The following ABCA6 variants were observed in gnomAD, a reference collection of about 807,000 sequenced individuals.
The protein encoded by ABCA6 is ATP binding cassette subfamily A member 6.
Under a neutral mutation model 191.2 loss-of-function variants are expected in ABCA6, and 164 were observed. That is an observed-to-expected ratio of 0.86 (90% CI 0.76 to 0.98). The LOEUF is 0.98. ABCA6 is among the 50% of genes least tolerant of loss of function. The pLI is 0.00. For missense variants in ABCA6, 1,958 were observed against 1,894.1 expected (o/e 1.03, Z -0.63); for synonymous variants, 636 against 647.7 (o/e 0.98, Z 0.27).
At chr17:69,110,685 C>G in intron 17 of ABCA6, 116 bp downstream of exon 17, 1 of 1,235,990 alleles carries the variant, frequency 8.1e-7, no homozygotes, top group Non-Finnish European at 1.1e-6. Flanking sequence ...AGTTCTGCTT[C>G]TCAGGTGGCC....
chr17:69,127,321 T>C (rs1159938045), intron 8 of ABCA6, among the ~76,000 whole-genome samples: 1 of 152,048 alleles, frequency 6.6e-6, no homozygotes, highest in Non-Finnish European at 1.5e-5. Context: ...ATTATGTATC[T>C]CTGTTCATCA....
intron 35 of ABCA6, 26 bp from the exon 36 acceptor site, chr17:69,083,039 G>C: frequency 6.2e-7 from 1 of 1,605,422 alleles, no homozygotes; most frequent in Non-Finnish European, 8.5e-7. Context: ...AGAATATGTT[G>C]GAAAAAATAT....
At chr17:69,081,031 C>A (rs763444380) in intron 37 of ABCA6, 35 bp downstream of exon 37, 2 of 1,312,946 alleles carry the variant, frequency 1.5e-6, no homozygotes, top group South Asian at 1.4e-5. Flanking sequence ...TTAGTTGATT[C>A]TTCAAAAGAT....
chr17:69,140,472 C>T, intron 2 of ABCA6, 136 bp downstream of exon 2: 1 of 433,786 alleles, frequency 2.3e-6, no homozygotes, highest in South Asian at 8.3e-5. Context: ...TCTCTCAATT[C>T]AACAAATACA....
intron 17 of ABCA6, 162 bp from the exon 18 acceptor site, chr17:69,107,974 T>G (rs2073341512): frequency 1.8e-6 from 1 of 550,322 alleles, no homozygotes; most frequent in African/African-American, 2.0e-5. Flanking sequence ...AATGCTCTCC[T>G]TCTCTGAAAT....
At chr17:69,088,980 C>G (rs2072867212) in intron 27 of ABCA6, among the ~76,000 whole-genome samples, 1 of 152,148 alleles carries the variant, frequency 6.6e-6, no homozygotes, top group Non-Finnish European at 1.5e-5. Context: ...GTTTATTATC[C>G]ATGTCCTTCC....
chr17:69,115,498 A>G lies in ABCA6; in HGVS notation c.1496-12T>C, dbSNP rs1411660200. ...GTCAAAGAGCAAGCCTATTTTTAGA[A>G]CAAATTGTTAACAAATTATTAACAG... On this transcript the variant is annotated splice_polypyrimidine_tract_variant and intron_variant, in intron 11 of 38. Coordinates refer to ENST00000284425, the MANE Select transcript of ABCA6 (RefSeq NM_080284.3). The G allele has an allele frequency of 6.3e-7, 1 of 1,594,300 alleles. No individual in the cohort carries two copies. The highest frequency in any genetic ancestry group is 1.7e-5 in the Admixed American group (1 of 59,486).
chr17:69,079,129 G>A, intron 38 of ABCA6, 55 bp from the exon 39 acceptor site: 1 of 1,572,410 alleles, frequency 6.4e-7, no homozygotes, highest in Non-Finnish European at 8.7e-7. Flanking sequence ...CAAGTTGTTG[G>A]TCTTCCAAAT....
chr17:69,081,933 T>G (rs1247692147), intron 36 of ABCA6, among the ~76,000 whole-genome samples: 1 of 152,228 alleles, frequency 6.6e-6, no homozygotes, highest in African/African-American at 2.4e-5. Flanking sequence ...GGCATCTTGC[T>G]TCCGTGTGCT....
chr17:69,114,313 G>A (rs1470433085), intron 13 of ABCA6, among the ~76,000 whole-genome samples: 2 of 148,676 alleles, frequency 1.3e-5, no homozygotes, highest in Non-Finnish European at 3.0e-5. Flanking sequence ...CTATCGCAAG[G>A]ACAAAAAACC....
intron 4 of ABCA6, 162 bp downstream of exon 4, chr17:69,135,930 G>A: frequency 2.9e-6 from 2 of 694,252 alleles, no homozygotes; most frequent in Non-Finnish European, 2.4e-6. Context: ...CAGTCATCCT[G>A]TAGTAGGAAC....
chr17:69,113,450 TA>T (rs2073472071), intron 14 of ABCA6, 90 bp from the exon 15 acceptor site: 1 of 1,517,712 alleles, frequency 6.6e-7, no homozygotes, highest in Non-Finnish European at 8.9e-7. Flanking sequence ...TACCATAAAA[TA>T]ATAACCATCC....
chr17:69,135,903 T>C (rs1326386957), intron 4 of ABCA6, 189 bp downstream of exon 4: 2 of 609,354 alleles, frequency 3.3e-6, no homozygotes, highest in Non-Finnish European at 5.7e-6. Flanking sequence ...ATATGTTGGA[T>C]GACTCTACAA....
intron 8 of ABCA6, among the ~76,000 whole-genome samples, chr17:69,127,320 C>T (rs193094540): frequency 1.9e-3 from 288 of 152,114 alleles, no homozygotes; most frequent in Non-Finnish European, 2.9e-3. Context: ...AATTATGTAT[C>T]TCTGTTCATC....
At chr17:69,136,291 G>T in intron 3 of ABCA6, 41 bp from the exon 4 acceptor site, 1 of 1,403,498 alleles carries the variant, frequency 7.1e-7, no homozygotes, top group Non-Finnish European at 9.4e-7. Flanking sequence ...AAAATTGTAA[G>T]AGTTTTGCCA....
rs187399959 is a variant in ABCA6, at chr17:69,113,150, C to T, written c.2041+72G>A. On this transcript the variant is annotated intron_variant, in intron 15 of 38. Coordinates refer to ENST00000284425, the MANE Select transcript of ABCA6 (RefSeq NM_080284.3). ...CACCATAATGAGAGCAGGGCTCTTA[C>T]CCTGGGAATAGACCTCGCTTCTAAA... 6 of 1,524,140 alleles carry T rather than the reference C, an allele frequency of 3.9e-6. No homozygotes were observed. In the East Asian group the frequency reaches 9.5e-5, roughly 24 times the overall value. 94.4% of individuals were successfully genotyped at this position (1,524,140 alleles called of 1,614,324 possible). A position where few individuals can be genotyped will look rare whatever the true frequency, so the allele number is the denominator to read the frequency against.
intron 9 of ABCA6, among the ~76,000 whole-genome samples, chr17:69,123,613 A>G (rs1240892564): frequency 6.6e-6 from 1 of 152,086 alleles, no homozygotes. Flanking sequence ...TGCAAAATTA[A>G]ACAATATAAT....
At chr17:69,137,259 C>T (rs1216236639) in intron 3 of ABCA6, 37 bp downstream of exon 3, 2 of 1,577,410 alleles carry the variant, frequency 1.3e-6, no homozygotes, top group Non-Finnish European at 8.7e-7. Context: ...ATATAGACAT[C>T]TATCAGTAAC....
At chr17:69,138,131 T>A (rs1340351080) in intron 2 of ABCA6, among the ~76,000 whole-genome samples, 1 of 152,128 alleles carries the variant, frequency 6.6e-6, no homozygotes, top group Non-Finnish European at 1.5e-5. Flanking sequence ...CTGGTCCCAC[T>A]ATTTCCTGAT....
Sources: gnomAD v4.1 joint callset for allele counts (sites outside exome capture counted in the v4.1 genomes callset) on GRCh38, gnomAD v4.1.1 for gene constraint, MANE v1.5 for transcripts, NCBI Gene and HGNC (gene_info 2026-07-23, HGNC 2026-07-21) for gene names.